CEP63: variants seen among roughly 807,000 people sequenced by gnomAD.
CEP63 encodes the protein centrosomal protein 63, also known as centrosomal protein of 63 kDa.
CEP63 carries 84 observed loss-of-function variants against 89.1 expected under a neutral mutation model. The ratio of observed to expected loss-of-function variants is 0.94; its 90% CI spans 0.79 to 1.13. CEP63 has a LOEUF of 1.13. CEP63 is among the 50% of genes most tolerant of loss of function. The pLI is 0.00. For missense variants in CEP63, 838 were observed against 813.3 expected (o/e 1.03, Z -0.37); for synonymous variants, 267 against 272.5 (o/e 0.98, Z 0.20).
chr3:134,775,645 G>C, the CEP63 span, among the ~76,000 whole-genome samples: 1 of 152,104 alleles, frequency 6.6e-6, no homozygotes, highest in Non-Finnish European at 1.5e-5. Context: ...CCTAATCTCT[G>C]TCTCAGGGTC....
At chr3:134,609,654 C>T in the CEP63 span, among the ~76,000 whole-genome samples, 1,273 of 152,312 alleles carry the variant, frequency 8.4e-3, 24 homozygotes, top group African/African-American at 0.029. Context: ...CAGTCCTCTG[C>T]ACCCCGGCTG....
the CEP63 span, among the ~76,000 whole-genome samples, chr3:134,661,605 G>A: frequency 6.6e-6 from 1 of 152,180 alleles, no homozygotes; most frequent in Admixed American, 6.5e-5. Flanking sequence ...TGAAGGGGAA[G>A]AGACAGAGCT....
chr3:134,576,964 C>CA (rs1958227642), downstream of CEP63, among the ~76,000 whole-genome samples: 2 of 152,106 alleles, frequency 1.3e-5, no homozygotes, highest in Admixed American at 1.3e-4. Flanking sequence ...TTAAAACAAA[C>CA]AAAAAACAAC....
At chr3:134,505,343 A>C (rs1943179298) in intron 2 of CEP63, among the ~76,000 whole-genome samples, 1 of 152,096 alleles carries the variant, frequency 6.6e-6, no homozygotes, top group Non-Finnish European at 1.5e-5. Flanking sequence ...CAGTGGGTGC[A>C]AGAGTGTAGT....
intron 3 of CEP63, among the ~76,000 whole-genome samples, chr3:134,531,371 T>C (rs1384323240): frequency 6.6e-6 from 1 of 151,974 alleles, no homozygotes; most frequent in East Asian, 1.9e-4. Context: ...GATCACGAGG[T>C]CAGGAGTTCA....
chr3:134,747,920 G>A, the CEP63 span, among the ~76,000 whole-genome samples: 4 of 152,048 alleles, frequency 2.6e-5, no homozygotes. Context: ...TGAGTAGCTG[G>A]GACCACAGGT....
the CEP63 span, chr3:134,608,901 A>G: frequency 1.3e-6 from 2 of 1,541,368 alleles, no homozygotes; most frequent in Non-Finnish European, 1.8e-6. Context: ...GGCCCAATAC[A>G]CCCACCGGAG....
chr3:134,740,306 ATT>A, the CEP63 span, among the ~76,000 whole-genome samples: 1 of 147,878 alleles, frequency 6.8e-6, no homozygotes, highest in African/African-American at 2.5e-5. Context: ...TTATTTATTT[ATT>A]TATTTTTGAG....
At chr3:134,669,839 T>A in the CEP63 span, among the ~76,000 whole-genome samples, 39 of 152,364 alleles carry the variant, frequency 2.6e-4, 1 homozygote, top group South Asian at 7.5e-3. Context: ...AACTAGATTA[T>A]TGCTATAGAC....
intron 3 of CEP63, among the ~76,000 whole-genome samples, chr3:134,531,355 C>T (rs758453779): frequency 1.2e-4 from 18 of 152,106 alleles, no homozygotes; most frequent in Non-Finnish European, 2.6e-4. Flanking sequence ...GAGGCTGAGA[C>T]AGGTGGATCA....
chr3:134,780,108 C>G, the CEP63 span, among the ~76,000 whole-genome samples: 36 of 152,230 alleles, frequency 2.4e-4, no homozygotes, highest in African/African-American at 8.2e-4. Flanking sequence ...TTATGTTTAC[C>G]TATCAGTGGG....
chr3:134,730,905 T>C, the CEP63 span, among the ~76,000 whole-genome samples: 1 of 152,024 alleles, frequency 6.6e-6, no homozygotes, highest in South Asian at 2.1e-4. Flanking sequence ...AGAGCTACAT[T>C]GAAGTCAAAG....
chr3:134,689,445 A>T, the CEP63 span, among the ~76,000 whole-genome samples: 40,213 of 102,058 alleles, frequency 0.39, 5,545 homozygotes, highest in South Asian at 0.6. Context: ...GACCTTATTT[A>T]TTATTATTAT....
At chr3:134,717,225 G>A in the CEP63 span, among the ~76,000 whole-genome samples, 2 of 152,180 alleles carry the variant, frequency 1.3e-5, no homozygotes, top group South Asian at 4.1e-4. Context: ...ACTGGATGAG[G>A]CTGTTTAAAC....
chr3:134,570,877 AG>A (rs1393081156), intron 11 of CEP63, among the ~76,000 whole-genome samples: 5 of 152,228 alleles, frequency 3.3e-5, no homozygotes, highest in Admixed American at 2.6e-4. Context: ...GCAGAAGGCA[AG>A]AAGGAGCAAG....
the CEP63 span, among the ~76,000 whole-genome samples, chr3:134,680,808 T>G: frequency 6.6e-6 from 1 of 152,216 alleles, no homozygotes; most frequent in African/African-American, 2.4e-5. Flanking sequence ...TGCCAGCTGA[T>G]GGAGCGGGTA....
At chr3:134,543,136 C>A (rs1021204660) in intron 6 of CEP63, among the ~76,000 whole-genome samples, 2 of 152,018 alleles carry the variant, frequency 1.3e-5, no homozygotes, top group Non-Finnish European at 2.9e-5. Context: ...TTCTACTAGT[C>A]ACATTAAAAA....
At chr3:134,611,308 T>C in the CEP63 span, among the ~76,000 whole-genome samples, 5 of 152,180 alleles carry the variant, frequency 3.3e-5, no homozygotes, top group Admixed American at 2.6e-4. Context: ...ATGAGACATT[T>C]GGAGCTAAAA....
intron 2 of CEP63, among the ~76,000 whole-genome samples, chr3:134,500,145 T>G (rs1941523582): frequency 6.6e-6 from 1 of 152,130 alleles, no homozygotes; most frequent in Admixed American, 6.6e-5. Context: ...CATCTTGATG[T>G]CTGTGTGTAC....
Sources: allele counts gnomAD v4.1 joint callset (sites outside exome capture counted in the v4.1 genomes callset), GRCh38; gene constraint gnomAD v4.1.1; transcripts MANE v1.5; gene names NCBI Gene and HGNC (gene_info 2026-07-23, HGNC 2026-07-21).